EMCN: variants seen among roughly 807,000 people sequenced by gnomAD.
The protein encoded by EMCN is MUC-14.
A neutral mutation model predicts 38.4 loss-of-function variants in EMCN; 37 were observed. The observed-to-expected ratio is 0.96, with a 90% confidence interval of 0.74 to 1.27. EMCN has a LOEUF of 1.27. Among genes scored for constraint, EMCN ranks in the 50% most tolerant of loss-of-function variants. EMCN has a pLI of 0.00. For synonymous variants in EMCN, 95 were observed against 100.8 expected (o/e 0.94, Z 0.35); for missense variants, 318 against 302.8 (o/e 1.05, Z -0.37).
intron 11 of EMCN, among the ~76,000 whole-genome samples, chr4:100,408,767 C>T (rs1438739804): frequency 6.6e-6 from 1 of 152,176 alleles, no homozygotes; most frequent in African/African-American, 2.4e-5. Flanking sequence ...GGGGCAGGGA[C>T]CTTGGCATGC....
intron 10 of EMCN, among the ~76,000 whole-genome samples, chr4:100,412,889 T>G (rs1726604025): frequency 7.6e-6 from 1 of 131,002 alleles, no homozygotes; most frequent in Non-Finnish European, 1.5e-5. Context: ...ATGACCTAAC[T>G]GAAAAAGAGG....
At position 100,507,400 on chromosome 4, in the gene EMCN, T is replaced by C. The variant is rs1210242380; in HGVS notation, c.64+10451A>G. ...TAATAATAATAATTTAGATTAAATT[T>C]ATACCAATATTTTCCCTGAAAGCCC... On this transcript the variant is annotated intron_variant, in intron 1 of 11. Coordinates refer to ENST00000296420, the MANE Select transcript of EMCN (RefSeq NM_016242.4). Among the ~76,000 whole-genome samples, 10 of 152,276 alleles carry C rather than the reference T, an allele frequency of 6.6e-5. No individual in the cohort carries two copies. In the East Asian group the frequency reaches 1.7e-3, roughly 26 times the overall value.
chr4:100,413,284 A>C (rs1726615724), intron 10 of EMCN, among the ~76,000 whole-genome samples: 2 of 152,168 alleles, frequency 1.3e-5, no homozygotes, highest in African/African-American at 4.8e-5. Context: ...TCTGTATTTT[A>C]AAAATTTCTA....
chr4:100,476,681 T>C (rs1425017529), intron 2 of EMCN, among the ~76,000 whole-genome samples: 1 of 152,236 alleles, frequency 6.6e-6, no homozygotes, highest in African/African-American at 2.4e-5. Context: ...TTGAGAAACA[T>C]GTTGAATTCT....
intron 10 of EMCN, among the ~76,000 whole-genome samples, chr4:100,414,348 C>CTTTTTTTT (rs5860622): frequency 1.7e-5 from 1 of 59,808 alleles, no homozygotes; most frequent in Non-Finnish European, 3.4e-5. Context: ...TGCTTGAGCA[C>CTTTTTTTT]TTTTTTTTTT....
chr4:100,408,079 T>C (rs181531372), intron 11 of EMCN, among the ~76,000 whole-genome samples: 278 of 152,310 alleles, frequency 1.8e-3, no homozygotes, highest in African/African-American at 6.4e-3. Flanking sequence ...TCAGATCAGT[T>C]TTGTTCTTTC....
intron 1 of EMCN, among the ~76,000 whole-genome samples, chr4:100,482,251 A>G (rs1053532714): frequency 6.6e-6 from 1 of 151,982 alleles, no homozygotes; most frequent in Non-Finnish European, 1.5e-5. Flanking sequence ...TGAGAGTGGT[A>G]TTGCAAATAA....
chr4:100,422,894 G>T, intron 7 of EMCN, 127 bp downstream of exon 7: 8 of 782,246 alleles, frequency 1.0e-5, no homozygotes, highest in East Asian at 2.8e-5. Flanking sequence ...AGATGGGATT[G>T]TAATGGGATT....
chr4:100,506,583 AC>A (rs1729486148), intron 1 of EMCN, among the ~76,000 whole-genome samples: 1 of 152,118 alleles, frequency 6.6e-6, no homozygotes, highest in Non-Finnish European at 1.5e-5. Context: ...CAAAAAAAAA[AC>A]CCTGAAAATA....
chr4:100,468,601 C>G (rs1728388479), intron 3 of EMCN, among the ~76,000 whole-genome samples: 1 of 152,042 alleles, frequency 6.6e-6, no homozygotes, highest in Non-Finnish European at 1.5e-5. Flanking sequence ...TACTAAAATA[C>G]ATGCTGTAGA....
At chr4:100,467,201 G>A (rs1021016580) in intron 3 of EMCN, among the ~76,000 whole-genome samples, 2 of 152,092 alleles carry the variant, frequency 1.3e-5, no homozygotes, top group African/African-American at 2.4e-5. Context: ...GTAGGCCTTG[G>A]AGCAAATCTT....
In EMCN at chr4:100,498,828, A is replaced by G. The variant is rs185781167; in HGVS notation, c.65-18789T>C. 1.6e-3 allele frequency among the ~76,000 whole-genome samples: 250 copies of G among 152,350 alleles called. 1 individual carries two copies. The highest frequency in any genetic ancestry group is 5.8e-3 in the African/African-American group (241 of 41,590). ...ACACAGATAATTACAGAATGCCTATATGTACCAGGGCTGTGCTAGGTGATG... is the reference window on the plus strand; with the variant it reads ...ACACAGATAATTACAGAATGCCTATGTGTACCAGGGCTGTGCTAGGTGATG... On this transcript the variant is annotated intron_variant, in intron 1 of 11. Transcript: ENST00000296420.
intron 1 of EMCN, among the ~76,000 whole-genome samples, chr4:100,495,497 T>C (rs1729186458): frequency 6.6e-6 from 1 of 152,118 alleles, no homozygotes; most frequent in Non-Finnish European, 1.5e-5. Context: ...ATGTGAAGAC[T>C]ACCATTAGAA....
intron 4 of EMCN, among the ~76,000 whole-genome samples, chr4:100,453,162 T>C (rs1307759403): frequency 6.6e-6 from 1 of 152,032 alleles, no homozygotes; most frequent in Non-Finnish European, 1.5e-5. Context: ...AAAGCCAAAA[T>C]TGACAAATGG....
At chr4:100,454,912 TG>T in intron 4 of EMCN, among the ~76,000 whole-genome samples, 1 of 152,312 alleles carries the variant, frequency 6.6e-6, no homozygotes, top group East Asian at 1.9e-4. Context: ...TCCTGTCTTT[TG>T]TTTTTAATAA....
At chr4:100,485,662 T>C (rs1159895907) in intron 1 of EMCN, among the ~76,000 whole-genome samples, 2 of 151,936 alleles carry the variant, frequency 1.3e-5, no homozygotes, top group Non-Finnish European at 2.9e-5. Context: ...ACTGTTTCCA[T>C]ATTTGCATCA....
At chr4:100,415,366 T>C (rs1199524878) in intron 10 of EMCN, among the ~76,000 whole-genome samples, 1 of 152,326 alleles carries the variant, frequency 6.6e-6, no homozygotes, top group East Asian at 1.9e-4. Flanking sequence ...ACCTATATTT[T>C]GAAAGACTTT....
intron 11 of EMCN, among the ~76,000 whole-genome samples, chr4:100,409,795 A>T (rs1726498767): frequency 6.6e-6 from 1 of 152,246 alleles, no homozygotes; most frequent in Non-Finnish European, 1.5e-5. Flanking sequence ...AGACCCTTCA[A>T]CTAGCTTCTC....
At chr4:100,500,207 T>A (rs1215192623) in intron 1 of EMCN, among the ~76,000 whole-genome samples, 1 of 152,166 alleles carries the variant, frequency 6.6e-6, no homozygotes, top group Admixed American at 6.5e-5. Flanking sequence ...ATACATTCAG[T>A]CTCTTTTAAG....
Sources: gnomAD v4.1 joint callset for allele counts (sites outside exome capture counted in the v4.1 genomes callset) on GRCh38, gnomAD v4.1.1 for gene constraint, MANE v1.5 for transcripts, NCBI Gene and HGNC (gene_info 2026-07-23, HGNC 2026-07-21) for gene names.